Variants in PRDM16 observed in about 807,000 individuals in gnomAD.
PRDM16 encodes the protein histone-lysine N-methyltransferase PRDM16.
Under a neutral mutation model 110.6 loss-of-function variants are expected in PRDM16, and 23 were observed. That is an observed-to-expected ratio of 0.21 (90% CI 0.15 to 0.29). PRDM16 has a LOEUF of 0.29. Among genes scored for constraint, PRDM16 ranks in the 10% least tolerant of loss-of-function variants. The pLI, the probability that PRDM16 is intolerant of heterozygous loss-of-function variation, is 1.00. For synonymous variants in PRDM16, 799 were observed against 781.8 expected, an observed-to-expected ratio of 1.02 and a Z score of -0.37; for missense variants, 1,615 against 1,794.3, an observed-to-expected ratio of 0.90 and a Z score of 1.81.
rs1006650872 is a variant in PRDM16, at chr1:3,209,289, C to T, written c.387+22815C>T. On this transcript the variant is annotated intron_variant, in intron 2 of 16. Transcript: ENST00000270722. This position sits in a 1 kb window ranked among gnomAD's most constrained non-coding sequence, Gnocchi z 4.6. ...GAGTGGGATTTACTAAGCACGGTCACGCTGAACAGTAACTGTGGGCAGGGA... is the reference window on the plus strand; with the variant it reads ...GAGTGGGATTTACTAAGCACGGTCATGCTGAACAGTAACTGTGGGCAGGGA... Among the ~76,000 whole-genome samples the T allele has an allele frequency of 2.0e-5, 3 of 152,194 alleles. No individual in the cohort carries two copies. Among genetic ancestry groups the T allele is most frequent in the African/African-American group, 7.2e-5 (3 of 41,440 alleles).
intron 4 of PRDM16, among the ~76,000 whole-genome samples, chr1:3,387,923 T>A (rs1466465116): frequency 6.6e-6 from 1 of 152,270 alleles, no homozygotes; most frequent in African/African-American, 2.4e-5. Context: ...TAGATTTCAA[T>A]CTAGTGTTTA....
In PRDM16 at chr1:3,069,341, C is replaced by G. The variant is rs751666478; in HGVS notation, c.37+45C>G. The G allele has an allele frequency of 1.8e-4, 181 of 1,014,762 alleles. 1 individual carries two copies. In the African/African-American group the frequency reaches 3.1e-3, roughly 17 times the overall value. 62.9% of individuals were successfully genotyped at this position (1,014,762 alleles called of 1,614,324 possible). On this transcript the variant is annotated intron_variant, in intron 1 of 16. Coordinates refer to ENST00000270722, the MANE Select transcript of PRDM16 (RefSeq NM_022114.4). This position sits in a 1 kb window ranked among gnomAD's most constrained non-coding sequence, Gnocchi z 6.1. ...CCGCGCCGCGCCGCCGGGGCCCGGG[C>G]CGCCGGGCCGGGGCGCCCGGGCCAG...
At chr1:3,236,729 C>T (rs1296590240) in intron 2 of PRDM16, among the ~76,000 whole-genome samples, 2 of 152,224 alleles carry the variant, frequency 1.3e-5, no homozygotes, top group Non-Finnish European at 1.5e-5. Flanking sequence ...AGGGTGAGCC[C>T]GGGTTAGCAC....
chr1:3,166,599 C>A (rs1051925859), intron 1 of PRDM16, among the ~76,000 whole-genome samples: 1 of 152,222 alleles, frequency 6.6e-6, no homozygotes, highest in Admixed American at 6.5e-5. Context: ...TCCCTCGCAT[C>A]GCCAGTAACC....
Position 3,071,467 on chromosome 1 carries a change from C to G in PRDM16, c.37+2171C>G, listed in dbSNP as rs1438752867. Among the ~76,000 whole-genome samples the G allele has an allele frequency of 2.0e-5, 3 of 152,252 alleles. No homozygotes were observed. In the South Asian group the frequency reaches 6.2e-4, roughly 31 times the overall value. On this transcript the variant is annotated intron_variant, in intron 1 of 16. Transcript: ENST00000270722. Reference sequence around the variant, plus strand: ...GCCTCGGCCCTCTGTCCACACTTGGCCGAGCGCTGGGAACCCCTCCTTCCA... The same window carrying G: ...GCCTCGGCCCTCTGTCCACACTTGGGCGAGCGCTGGGAACCCCTCCTTCCA...
intron 2 of PRDM16, among the ~76,000 whole-genome samples, chr1:3,188,419 G>C (rs529133998): frequency 6.6e-6 from 1 of 152,284 alleles, no homozygotes; most frequent in East Asian, 1.9e-4. Flanking sequence ...CGTGGTGCCA[G>C]GCCCAGCGCA....
chr1:3,359,322 C>G lies in PRDM16; in HGVS notation c.439-25830C>G, dbSNP rs1476404794. 6.6e-6 allele frequency among the ~76,000 whole-genome samples: 1 copy of G among 152,186 alleles called. No homozygotes were observed. The highest frequency in any genetic ancestry group is 6.5e-5 in the Admixed American group (1 of 15,288). ...CCTGGCCAAGGGCAGCTGCCTTTGT[C>G]CTGGATGTCAATGTCCATGAAAACA... On this transcript the variant is annotated intron_variant, in intron 3 of 16. Coordinates refer to ENST00000270722, the MANE Select transcript of PRDM16 (RefSeq NM_022114.4). The surrounding 1 kb of genome is among the most constrained non-coding windows in gnomAD (Gnocchi z 4.3).
intron 3 of PRDM16, among the ~76,000 whole-genome samples, chr1:3,364,134 C>T (rs555976080): frequency 3.3e-5 from 5 of 152,234 alleles, no homozygotes; most frequent in East Asian, 1.9e-4. Flanking sequence ...CTCAGTCCTC[C>T]GAGAGCTCCA....
At chr1:3,424,254 G>T (rs555750583) in intron 12 of PRDM16, among the ~76,000 whole-genome samples, 3 of 152,168 alleles carry the variant, frequency 2.0e-5, no homozygotes, top group Non-Finnish European at 4.4e-5. Flanking sequence ...TGCACATGTC[G>T]CTCAGGCCCC....
rs759656063 is a variant in PRDM16, at chr1:3,414,603, AAGG to A, written c.2650_2652del (p.Glu884del). On this transcript the variant is annotated inframe_deletion, in exon 10 of 17. Coordinates refer to ENST00000270722, the MANE Select transcript of PRDM16 (RefSeq NM_022114.4). ...GGTCACAGACCCCGTGGGAGCCCTG[AAGG>A]AGAAGTACCTGCGGCCGTCCCCGCT... 2 of 1,613,444 alleles carry A rather than the reference AAGG, an allele frequency of 1.2e-6. No individual in the cohort carries two copies. The highest frequency in any genetic ancestry group is 1.7e-6 in the Non-Finnish European group (2 of 1,179,856).
At chr1:3,388,304 C>G (rs1296570935) in intron 4 of PRDM16, among the ~76,000 whole-genome samples, 3 of 152,174 alleles carry the variant, frequency 2.0e-5, no homozygotes, top group Non-Finnish European at 2.9e-5. Context: ...CTGTCTCTCT[C>G]TTTCTCTGTC....
At chr1:3,363,535 T>C (rs1222706628) in intron 3 of PRDM16, among the ~76,000 whole-genome samples, 1 of 152,110 alleles carries the variant, frequency 6.6e-6, no homozygotes, top group East Asian at 1.9e-4. Flanking sequence ...GCAGTTTGAT[T>C]TTCTTGGGGC....
chr1:3,253,283 T>G (rs1639978670), intron 3 of PRDM16, among the ~76,000 whole-genome samples: 1 of 151,880 alleles, frequency 6.6e-6, no homozygotes, highest in Non-Finnish European at 1.5e-5. Context: ...TGTATACATG[T>G]GCCATGCTGG....
At chr1:3,403,034 C>G (rs1422613597) in intron 6 of PRDM16, 36 bp downstream of exon 6, 5 of 1,511,030 alleles carry the variant, frequency 3.3e-6, no homozygotes, top group Non-Finnish European at 4.5e-6. Flanking sequence ...CTCCCCTTCC[C>G]GTACCCTCCT....
In PRDM16 at chr1:3,131,148, C is replaced by T. The variant is rs545007719; in HGVS notation, c.38-54977C>T. Among the ~76,000 whole-genome samples, 6 of 152,258 alleles carry T rather than the reference C, an allele frequency of 3.9e-5. No individual in the cohort carries two copies. In the South Asian group the frequency reaches 8.3e-4, roughly 21 times the overall value. On this transcript the variant is annotated intron_variant, in intron 1 of 16. Transcript: ENST00000270722. ...CGCAGCCACAGTTTTTGGTTGTTTT[C>T]GTTTTTTTCATCATCCTGATGATCC...
chr1:3,115,756 C>T (rs1250014069), intron 1 of PRDM16, among the ~76,000 whole-genome samples: 1 of 152,236 alleles, frequency 6.6e-6, no homozygotes, highest in Admixed American at 6.5e-5. Flanking sequence ...CCTATGGCTA[C>T]AGGTTGGCAT....
chr1:3,320,914 C>T (rs980259026), intron 3 of PRDM16, among the ~76,000 whole-genome samples: 3 of 152,194 alleles, frequency 2.0e-5, no homozygotes, highest in Admixed American at 6.5e-5. Flanking sequence ...GGGGCTGGCA[C>T]GCCCTCCCTG....
intron 3 of PRDM16, among the ~76,000 whole-genome samples, chr1:3,383,938 C>T (rs1643152026): frequency 6.6e-6 from 1 of 151,920 alleles, no homozygotes; most frequent in Non-Finnish European, 1.5e-5. Context: ...CAAGGACACA[C>T]TTGCCCACCA....
chr1:3,375,209 A>G (rs1031022600), intron 3 of PRDM16, among the ~76,000 whole-genome samples: 1 of 152,252 alleles, frequency 6.6e-6, no homozygotes, highest in East Asian at 1.9e-4. Flanking sequence ...CAGTCTCTGA[A>G]GCACCCTAGA....
Sources: allele counts gnomAD v4.1 joint callset (sites outside exome capture counted in the v4.1 genomes callset), GRCh38; gene constraint gnomAD v4.1.1; non-coding constraint Gnocchi (gnomAD v3.1); transcripts MANE v1.5; gene names NCBI Gene and HGNC (gene_info 2026-07-23, HGNC 2026-07-21).